CTNNA3: variants seen among roughly 807,000 people sequenced by gnomAD.
The protein encoded by CTNNA3 is catenin alpha-3.
CTNNA3 carries 76 observed loss-of-function variants against 95.7 expected under a neutral mutation model. The observed-to-expected ratio is 0.79, with a 90% CI of 0.66 to 0.96. CTNNA3 has a LOEUF of 0.96. Among genes scored for constraint, CTNNA3 ranks in the 40% least tolerant of loss-of-function variants. The pLI is 0.00. For missense variants in CTNNA3, 1,191 were observed against 1,089.8 expected (o/e 1.09, Z -1.31); for synonymous variants, 431 against 374.4 (o/e 1.15, Z -1.74).
intron 7 of CTNNA3, among the ~76,000 whole-genome samples, chr10:67,163,956 A>G (rs1391396570): frequency 2.6e-5 from 4 of 152,020 alleles, no homozygotes; most frequent in African/African-American, 4.8e-5. Flanking sequence ...AAACTGCAAA[A>G]TGCTGATGAA....
intron 1 of CTNNA3, among the ~76,000 whole-genome samples, chr10:67,651,943 C>G (rs1418754738): frequency 6.6e-6 from 1 of 152,112 alleles, no homozygotes; most frequent in African/African-American, 2.4e-5. Context: ...AGAATATTTG[C>G]TCTTCTCTAT....
chr10:66,592,099 G>T (rs1263643016), intron 10 of CTNNA3, among the ~76,000 whole-genome samples: 1 of 108,714 alleles, frequency 9.2e-6, no homozygotes. Flanking sequence ...TTCTAGCTTG[G>T]CAAAAAAAAA....
At chr10:66,647,098 T>C (rs1320557341) in intron 9 of CTNNA3, among the ~76,000 whole-genome samples, 1 of 151,968 alleles carries the variant, frequency 6.6e-6, no homozygotes, top group African/African-American at 2.4e-5. Context: ...TCAGAAGAAA[T>C]AAGTGCCTCG....
At chr10:66,100,863 G>A (rs572433969) in intron 14 of CTNNA3, among the ~76,000 whole-genome samples, 8 of 152,306 alleles carry the variant, frequency 5.3e-5, no homozygotes, top group East Asian at 1.9e-4. Flanking sequence ...CAGTGATGCT[G>A]TGAGAAACTA....
intron 7 of CTNNA3, among the ~76,000 whole-genome samples, chr10:67,049,855 T>C (rs748868999): frequency 2.4e-4 from 36 of 152,338 alleles, no homozygotes; most frequent in Admixed American, 3.9e-4. Context: ...TAGTAATATA[T>C]ACACACACAT....
At chr10:67,130,699 G>A (rs1215044914) in intron 7 of CTNNA3, among the ~76,000 whole-genome samples, 1 of 152,082 alleles carries the variant, frequency 6.6e-6, no homozygotes, top group Non-Finnish European at 1.5e-5. Context: ...TGTTGAGCAT[G>A]GAAATGGGAA....
At chr10:67,050,658 G>A (rs1855032460) in intron 7 of CTNNA3, among the ~76,000 whole-genome samples, 1 of 152,308 alleles carries the variant, frequency 6.6e-6, no homozygotes, top group Middle Eastern at 3.4e-3. Flanking sequence ...CTCGTGTCCT[G>A]CATGGAATTT....
At chr10:67,725,428 C>T (rs889954969) in intron 1 of CTNNA3, among the ~76,000 whole-genome samples, 3 of 152,116 alleles carry the variant, frequency 2.0e-5, no homozygotes, top group African/African-American at 7.2e-5. Flanking sequence ...TCGCCCACCT[C>T]GGCCTCCCAA....
chr10:66,885,619 A>C (rs958498273), intron 7 of CTNNA3, among the ~76,000 whole-genome samples: 1 of 152,080 alleles, frequency 6.6e-6, no homozygotes, highest in African/African-American at 2.4e-5. Flanking sequence ...TCACCTCCCC[A>C]GGTAACTGTT....
rs569375916 is a variant in CTNNA3 at position 66,220,059 on chromosome 10, G to T, written c.1884+60411C>A. Among the ~76,000 whole-genome samples the T allele has an allele frequency of 2.6e-5, 4 of 152,188 alleles. No individual in the cohort carries two copies. In the East Asian group the frequency reaches 7.7e-4, roughly 29 times the overall value. On this transcript the variant is annotated intron_variant, in intron 13 of 17. Coordinates refer to ENST00000433211, the MANE Select transcript of CTNNA3 (RefSeq NM_013266.4). ...AATCACTTGAACCCGGGAGGCAGAG[G>T]TTGCAGTGAGCCGAGATCACGCCAC... is the stretch of plus-strand genomic sequence containing the variant.
intron 3 of CTNNA3, among the ~76,000 whole-genome samples, chr10:67,605,591 TTAC>T (rs2133376873): frequency 6.6e-6 from 1 of 152,370 alleles, no homozygotes; most frequent in South Asian, 2.1e-4. Flanking sequence ...AGCAACCATT[TTAC>T]TATTTATATG....
chr10:66,754,144 A>C (rs1839275787), intron 9 of CTNNA3, among the ~76,000 whole-genome samples: 1 of 152,220 alleles, frequency 6.6e-6, no homozygotes, highest in South Asian at 2.1e-4. Flanking sequence ...TACAAAGATA[A>C]AGTAATCAAG....
At chr10:66,061,344 T>A (rs1033177395) in intron 15 of CTNNA3, among the ~76,000 whole-genome samples, 13 of 152,108 alleles carry the variant, frequency 8.5e-5, no homozygotes, top group African/African-American at 2.9e-4. Context: ...ATGTAAGTAA[T>A]TTTTTCACAC....
chr10:67,367,584 T>C (rs545069242), intron 5 of CTNNA3, among the ~76,000 whole-genome samples: 3 of 152,244 alleles, frequency 2.0e-5, no homozygotes, highest in Admixed American at 6.5e-5. Flanking sequence ...CAAAGGACAA[T>C]TATTCATTCA....
intron 9 of CTNNA3, among the ~76,000 whole-genome samples, chr10:66,687,075 T>C (rs183955483): frequency 6.6e-6 from 1 of 152,224 alleles, no homozygotes; most frequent in East Asian, 1.9e-4. Context: ...AAATATGTAT[T>C]GTTTGGTACA....
chr10:67,088,822 C>T (rs1450798216), intron 7 of CTNNA3, among the ~76,000 whole-genome samples: 2 of 151,916 alleles, frequency 1.3e-5, no homozygotes, highest in Non-Finnish European at 2.9e-5. Context: ...ATATTGAGTT[C>T]CTGCCTTATT....
intron 8 of CTNNA3, among the ~76,000 whole-genome samples, chr10:66,773,251 T>G (rs1056756255): frequency 6.6e-6 from 1 of 152,156 alleles, no homozygotes; most frequent in Non-Finnish European, 1.5e-5. Flanking sequence ...CCACTTCTCC[T>G]ACAACAGACA....
intron 10 of CTNNA3, among the ~76,000 whole-genome samples, chr10:66,604,962 G>A (rs1268405050): frequency 2.0e-5 from 3 of 152,110 alleles, no homozygotes; most frequent in Admixed American, 6.5e-5. Context: ...GGGCTGAGAT[G>A]GCGGAAATGA....
chr10:67,552,007 G>A (rs1841051007), intron 3 of CTNNA3, among the ~76,000 whole-genome samples: 1 of 152,206 alleles, frequency 6.6e-6, no homozygotes, highest in Non-Finnish European at 1.5e-5. Context: ...GGGAAAATAA[G>A]AGTTGCTAAT....
Sources: allele counts gnomAD v4.1 joint callset (sites outside exome capture counted in the v4.1 genomes callset), GRCh38; gene constraint gnomAD v4.1.1; transcripts MANE v1.5; gene names NCBI Gene and HGNC (gene_info 2026-07-23, HGNC 2026-07-21).